The following OR14I1 variants were observed in gnomAD, a reference collection of about 807,000 sequenced individuals.
OR14I1 encodes the protein olfactory receptor family 14 subfamily I member 1, also known as olfactory receptor 14I1.
For synonymous variants in OR14I1, 118 were observed against 71.1 expected (o/e 1.66, Z -3.32); for missense variants, 279 against 181.8 (o/e 1.53, Z -3.07).
At chr1:248,700,051 C>T in the OR14I1 span, among the ~76,000 whole-genome samples, 473 of 152,312 alleles carry the variant, frequency 3.1e-3, 1 homozygote, top group Non-Finnish European at 5.6e-3. Context: ...TGAGCCACCG[C>T]GTCCGGCCCA....
chr1:248,686,369 C>G (rs1661650577), upstream of OR14I1, among the ~76,000 whole-genome samples: 1 of 152,256 alleles, frequency 6.6e-6, no homozygotes, highest in South Asian at 2.1e-4. Flanking sequence ...TATATGAAGC[C>G]TTTTTACTTC....
At chr1:248,680,960 C>CTGTGTGTGTG (rs755075968), downstream of OR14I1, among the ~76,000 whole-genome samples, 13 of 73,996 alleles carry the variant, frequency 1.8e-4, no homozygotes, top group East Asian at 4.5e-3. Context: ...GGTACTAAAA[C>CTGTGTGTGTG]TGTGTGCGTG....
At chr1:248,691,226 A>G in the OR14I1 span, among the ~76,000 whole-genome samples, 1 of 152,360 alleles carries the variant, frequency 6.6e-6, no homozygotes, top group African/African-American at 2.4e-5. Flanking sequence ...CCCTTCATTC[A>G]TTCAACACAC....
exon 1 of OR14I1, chr1:248,682,228 G>T (rs781049637): frequency 1.3e-6 from 1 of 780,298 alleles, no homozygotes; most frequent in South Asian, 1.3e-5. Flanking sequence ...AAACAGCCCG[G>T]CGTGCAGCAC....
At chr1:248,681,442 T>C (rs774978960) in exon 1 of OR14I1, 7 of 780,904 alleles carry the variant, frequency 9.0e-6, no homozygotes, top group Non-Finnish European at 1.2e-5. Context: ...CCTAAGACTA[T>C]ATATGATGGG....
chr1:248,685,724 A>G (rs75117935), upstream of OR14I1, among the ~76,000 whole-genome samples: 976 of 150,148 alleles, frequency 6.5e-3, 13 homozygotes, highest in African/African-American at 0.023. Context: ...CATGTATAGT[A>G]TATATATACA....
the OR14I1 span, among the ~76,000 whole-genome samples, chr1:248,689,032 T>A: frequency 3.9e-5 from 6 of 152,086 alleles, no homozygotes; most frequent in African/African-American, 1.4e-4. Context: ...AATGAAAAAT[T>A]TCTTATGCAA....
chr1:248,693,271 A>G, the OR14I1 span, among the ~76,000 whole-genome samples: 1 of 151,940 alleles, frequency 6.6e-6, no homozygotes, highest in Non-Finnish European at 1.5e-5. Flanking sequence ...TGGTGTACTG[A>G]TTCACGGCCA....
downstream of OR14I1, among the ~76,000 whole-genome samples, chr1:248,680,913 C>T (rs574713980): frequency 6.6e-6 from 1 of 151,242 alleles, no homozygotes; most frequent in East Asian, 1.9e-4. Flanking sequence ...AACCCTTCTG[C>T]TTGTTTTATG....
At chr1:248,678,371 T>G (rs1661508919), downstream of OR14I1, among the ~76,000 whole-genome samples, 2 of 152,194 alleles carry the variant, frequency 1.3e-5, no homozygotes, top group Non-Finnish European at 2.9e-5. Flanking sequence ...ATTTCACAGA[T>G]CATTAAATAA....
the OR14I1 span, among the ~76,000 whole-genome samples, chr1:248,688,799 G>A: frequency 7.5e-4 from 114 of 152,260 alleles, no homozygotes; most frequent in African/African-American, 2.3e-3. Flanking sequence ...GGGAGAAGCA[G>A]GATTAAAGAG....
the OR14I1 span, among the ~76,000 whole-genome samples, chr1:248,696,109 CA>C: frequency 5.1e-3 from 775 of 152,240 alleles, 8 homozygotes; most frequent in South Asian, 0.026. Context: ...CAAGAAATCC[CA>C]GGATTCTTGG....
At chr1:248,698,365 G>A in the OR14I1 span, among the ~76,000 whole-genome samples, 27,155 of 152,106 alleles carry the variant, frequency 0.18, 2,914 homozygotes, top group African/African-American at 0.3. Flanking sequence ...AATCACAGTC[G>A]TAGCTTTTTT....
chr1:248,678,860 T>C (rs1433746352), downstream of OR14I1, among the ~76,000 whole-genome samples: 1 of 152,054 alleles, frequency 6.6e-6, no homozygotes, highest in African/African-American at 2.4e-5. Context: ...AAAAAATAAT[T>C]AGAATTGGAC....
the OR14I1 span, among the ~76,000 whole-genome samples, chr1:248,698,085 C>A: frequency 6.6e-6 from 1 of 152,194 alleles, no homozygotes; most frequent in Non-Finnish European, 1.5e-5. Context: ...TTTACCTGCT[C>A]ACTTCCTCCT....
chr1:248,699,862 A>G, the OR14I1 span, among the ~76,000 whole-genome samples: 2 of 152,112 alleles, frequency 1.3e-5, no homozygotes, highest in Non-Finnish European at 1.5e-5. Context: ...GGGTCAAGCA[A>G]TTCTCCTGCC....
the OR14I1 span, among the ~76,000 whole-genome samples, chr1:248,696,681 T>G: frequency 1.3e-5 from 2 of 152,244 alleles, no homozygotes; most frequent in Admixed American, 1.3e-4. Context: ...TGTCCCTTTT[T>G]CTGTGAGGCC....
At chr1:248,696,879 G>A in the OR14I1 span, among the ~76,000 whole-genome samples, 2 of 152,172 alleles carry the variant, frequency 1.3e-5, no homozygotes, top group East Asian at 1.9e-4. Flanking sequence ...TATTGGATGC[G>A]TTTGAAAGTG....
chr1:248,700,814 A>G, the OR14I1 span, among the ~76,000 whole-genome samples: 2 of 152,216 alleles, frequency 1.3e-5, no homozygotes, highest in African/African-American at 4.8e-5. Context: ...AGTTTATGGA[A>G]TAATTATATA....
Sources: allele counts gnomAD v4.1 joint callset (sites outside exome capture counted in the v4.1 genomes callset), GRCh38; gene constraint gnomAD v4.1.1; transcripts MANE v1.5; gene names NCBI Gene and HGNC (gene_info 2026-07-23, HGNC 2026-07-21).